Variants in ZFP69 observed in about 807,000 individuals in gnomAD.
The protein encoded by ZFP69 is ZFP69 zinc finger protein.
ZFP69 carries 35 observed loss-of-function variants against 48.9 expected under a neutral mutation model. That is an observed-to-expected ratio of 0.72 (90% confidence interval 0.55 to 0.95). ZFP69 has a LOEUF of 0.95. Ranked by LOEUF, ZFP69 falls within the 40% of genes least tolerant of loss-of-function variation. The pLI, the probability that ZFP69 is intolerant of heterozygous loss-of-function variation, is 0.00. For synonymous variants in ZFP69, 193 were observed against 216.8 expected (o/e 0.89, Z 0.96); for missense variants, 557 against 638.4 (o/e 0.87, Z 1.37).
rs748204975 is a variant in ZFP69, at chr1:40,489,622, C to A, written c.440C>A (p.Ser147Ter). ...AAAGAAGGCCCAGGAGATCCCAGTT[C>A]AGGTGAGACCAAGTGTGTTAGTCTG... is the stretch of plus-strand genomic sequence containing the variant. ...AEKEGPGDPS[S>*]DLKSKIETIE... Residue 147 changes from serine (S) to a stop codon, truncating the protein, a stop_gained and splice_region_variant, in exon 5 of 6, where the codon TCA (serine) becomes TAA (stop). Transcript: ENST00000372706. LOFTEE classifies it high-confidence loss of function. 6 of 1,606,490 alleles carry A rather than the reference C, an allele frequency of 3.7e-6. No homozygotes were observed. Among genetic ancestry groups the A allele is most frequent in the Non-Finnish European group, 5.1e-6 (6 of 1,176,806 alleles).
rs769911488 is a variant in ZFP69, at chr1:40,496,008, T to A, written c.1530T>A (p.Leu510=). The change falls in exon 6 of 6, where the codon CTT becomes CTA. Residue 510 remains leucine (L), a synonymous_variant. Coordinates refer to ENST00000372706, the MANE Select transcript of ZFP69 (RefSeq NM_001320179.2). ...AAGCCTTCAGCTATAACTCTTCACT[T>A]AGTCGACATCATGAAATACACAGGA... ...CGKAFSYNSS[L]SRHHEIHRRN... The A allele has an allele frequency of 6.2e-7, 1 of 1,611,910 alleles. No homozygotes were observed. Among genetic ancestry groups the A allele is most frequent in the Admixed American group, 1.7e-5 (1 of 59,410 alleles).
In ZFP69 at chr1:40,489,684, T is replaced by C. The variant is rs887732888; in HGVS notation, c.442+60T>C. 12 of 1,269,736 alleles carry C rather than the reference T, an allele frequency of 9.5e-6. No individual in the cohort carries two copies. In the African/African-American group the frequency reaches 1.4e-4, roughly 14 times the overall value. 78.7% of individuals were successfully genotyped at this position (1,269,736 alleles called of 1,614,324 possible). A position where few individuals can be genotyped will look rare whatever the true frequency, so the allele number is the denominator to read the frequency against. ...CTATAAAGGAATACCTGAAACTTCA[T>C]AATTTATAAAGAAAAGAAGTTTAAT... On this transcript the variant is annotated intron_variant, in intron 5 of 5. Transcript: ENST00000372706.
Position 40,495,573 on chromosome 1 carries a change from C to T in ZFP69, c.1095C>T (p.Ser365=), listed in dbSNP as rs1645623599. ...GTGATAAATGTCAGAAAGCTTTCAG[C>T]CAGAACATTAGCTTGGTTCAACATT... ...YVCDKCQKAF[S]QNISLVQHLR... is the part of the protein sequence containing the mutation. The change falls in exon 6 of 6, where the codon AGC becomes AGT. Residue 365 remains serine, a synonymous_variant. Coordinates refer to ENST00000372706, the MANE Select transcript of ZFP69 (RefSeq NM_001320179.2). 1.2e-6 allele frequency: 2 copies of T among 1,614,020 alleles called. No individual in the cohort carries two copies. The highest frequency in any genetic ancestry group is 2.2e-5 in the South Asian group (2 of 91,084).
intron 3 of ZFP69, among the ~76,000 whole-genome samples, chr1:40,487,427 G>A (rs1392826100): frequency 2.0e-5 from 3 of 152,032 alleles, no homozygotes; most frequent in Non-Finnish European, 4.4e-5. Context: ...GTAGGTACTA[G>A]TCTATTTTAT....
chr1:40,477,834 C>T lies in ZFP69; in HGVS notation c.-387C>T, dbSNP rs1057061948. The T allele has an allele frequency of 2.0e-5, 3 of 152,478 alleles. No homozygotes were observed. Among genetic ancestry groups the T allele is most frequent in the African/African-American group, 7.2e-5 (3 of 41,424 alleles). The allele number at this position is 152,478 out of a possible 1,614,324, so 9.4% of individuals were successfully genotyped here. On this transcript the variant is annotated 5_prime_UTR_variant, in exon 1 of 6. Transcript: ENST00000372706. This position sits in a 1 kb window ranked among gnomAD's most constrained non-coding sequence, Gnocchi z 4.0. Reference sequence around the variant, plus strand: ...AGAGACACTCTTTACCGCTGAAAACCTCAAGAGTGAGCACTCCCACGCCCC... The same window carrying T: ...AGAGACACTCTTTACCGCTGAAAACTTCAAGAGTGAGCACTCCCACGCCCC...
chr1:40,494,622 A>G (rs1034614566), intron 5 of ZFP69, among the ~76,000 whole-genome samples: 1 of 147,008 alleles, frequency 6.8e-6, no homozygotes, highest in African/African-American at 2.5e-5. Context: ...TATTTTATAT[A>G]TAAAATATAC....
chr1:40,482,426 TAGTC>T (rs1482184667), intron 3 of ZFP69, among the ~76,000 whole-genome samples: 2 of 152,180 alleles, frequency 1.3e-5, no homozygotes, highest in East Asian at 3.9e-4. Flanking sequence ...ACAAATGGGA[TAGTC>T]AGTACTGCCT....
chr1:40,485,386 C>A (rs552343163), intron 3 of ZFP69, among the ~76,000 whole-genome samples: 1 of 151,980 alleles, frequency 6.6e-6, no homozygotes, highest in Non-Finnish European at 1.5e-5. Flanking sequence ...GAAAGACTTA[C>A]GTTATATTTT....
At chr1:40,482,128 T>A (rs909843344) in intron 3 of ZFP69, among the ~76,000 whole-genome samples, 2 of 151,234 alleles carry the variant, frequency 1.3e-5, no homozygotes, top group Non-Finnish European at 2.9e-5. Context: ...GAAAGTGAAA[T>A]GAGAGATATA....
Position 40,481,761 on chromosome 1 carries a change from A to T in ZFP69, c.128-2A>T. On this transcript the variant is annotated splice_acceptor_variant, in intron 2 of 5. Transcript: ENST00000372706. LOFTEE classifies it high-confidence loss of function. ...AAGCTCATGGCTCTTTTCCTTCCCC[A>T]GCTCTGCTGTCTCAGGATGCTGAGG... The T allele has an allele frequency of 1.2e-6, 2 of 1,603,914 alleles. No individual in the cohort carries two copies. The highest frequency in any genetic ancestry group is 2.7e-5 in the African/African-American group (2 of 74,734).
At position 40,494,255 on chromosome 1, in the gene ZFP69, A is replaced by ATTTTTTTTTTTTTTTTTTTTTTTTTTTTT. The variant is rs1645598717; in HGVS notation, c.443-666_443-665insTTTTTTTTTTTTTTTTTTTTTTTTTTTTT. Among the ~76,000 whole-genome samples the ATTTTTTTTTTTTTTTTTTTTTTTTTTTTT allele has an allele frequency of 1.6e-5, 2 of 123,856 alleles. 1 individual carries two copies. The highest frequency in any genetic ancestry group is 6.3e-5 in the African/African-American group (2 of 31,550). The allele number at this position is 123,856 out of a possible 152,430, so 81.3% of individuals were successfully genotyped here. A position where few individuals can be genotyped will look rare whatever the true frequency, so the allele number is the denominator to read the frequency against. ...ATTAGAGCAGGACTAAAAGATTCAA[A>ATTTTTTTTTTTTTTTTTTTTTTTTTTTTT]ATTTTTTTTTTTTTTTTTTTTTTTT... On this transcript the variant is annotated intron_variant, in intron 5 of 5. Coordinates refer to ENST00000372706, the MANE Select transcript of ZFP69 (RefSeq NM_001320179.2).
chr1:40,493,617 A>G (rs1645591447), intron 5 of ZFP69: 1 of 126,572 alleles, frequency 7.9e-6, no homozygotes, highest in African/African-American at 3.3e-5. Flanking sequence ...GGAGGGATGC[A>G]TAAATGGCTT....
chr1:40,489,827 T>C (rs1043211886), intron 5 of ZFP69, among the ~76,000 whole-genome samples: 1 of 151,322 alleles, frequency 6.6e-6, no homozygotes, highest in African/African-American at 2.4e-5. Flanking sequence ...AGCTGGAGCA[T>C]GAGAGTGAAG....
In ZFP69 at chr1:40,480,678, A is replaced by G. The variant is rs61781605; in HGVS notation, c.128-1085A>G. On this transcript the variant is annotated intron_variant, in intron 2 of 5. Coordinates refer to ENST00000372706, the MANE Select transcript of ZFP69 (RefSeq NM_001320179.2). ...GGTGCAATTCCACTTCAAAACTGGT[A>G]AGGTCACAACAAATTGAATCAAGGA... is the stretch of plus-strand genomic sequence containing the variant. Among the ~76,000 whole-genome samples the G allele has an allele frequency of 9.9e-3, 1,514 of 152,310 alleles. 10 individuals carry two copies. The highest frequency in any genetic ancestry group is 0.018 in the Non-Finnish European group (1,242 of 68,022).
chr1:40,493,870 G>C (rs1281985717), intron 5 of ZFP69, among the ~76,000 whole-genome samples: 1 of 152,134 alleles, frequency 6.6e-6, no homozygotes, highest in African/African-American at 2.4e-5. Flanking sequence ...AATTTATCAA[G>C]TAAAAATCTT....
rs1475105025 is a variant in ZFP69 at position 40,495,434 on chromosome 1, G to A, written c.956G>A (p.Arg319Lys). ...SQSASLSTHQ[R>K]IHTGEKPFEC... ...AGTGCATCCCTCAGTACACACCAGA[G>A]AATCCATACTGGTGAGAAACCCTTT... The change falls in exon 6 of 6, where the codon AGA becomes AAA. Residue 319 changes from arginine (R) to lysine (K), a missense_variant. Physicochemically the swap from Arg to Lys is conservative, Grantham distance 26 (BLOSUM62 2). Coordinates refer to ENST00000372706, the MANE Select transcript of ZFP69 (RefSeq NM_001320179.2). 3 of 1,614,062 alleles carry A rather than the reference G, an allele frequency of 1.9e-6. No individual in the cohort carries two copies. Among genetic ancestry groups the A allele is most frequent in the East Asian group, 4.5e-5 (2 of 44,880 alleles).
At chr1:40,489,866 C>CTTTTTTTTT (rs374820239) in intron 5 of ZFP69, among the ~76,000 whole-genome samples, 2 of 115,426 alleles carry the variant, frequency 1.7e-5, no homozygotes, top group Non-Finnish European at 3.5e-5. Context: ...TTTTCTTTTT[C>CTTTTTTTTT]TTTTTTTTTT....
At chr1:40,480,344 C>T (rs1645431462) in intron 2 of ZFP69, among the ~76,000 whole-genome samples, 1 of 149,494 alleles carries the variant, frequency 6.7e-6, no homozygotes, top group African/African-American at 2.5e-5. Context: ...CAGCTCACTG[C>T]AACTCCTGCC....
At chr1:40,482,908 G>A (rs992033025) in intron 3 of ZFP69, among the ~76,000 whole-genome samples, 1 of 152,162 alleles carries the variant, frequency 6.6e-6, no homozygotes, top group Admixed American at 6.5e-5. Flanking sequence ...TTCTTTCTCA[G>A]TAATTGATGT....
Sources: allele counts gnomAD v4.1 joint callset (sites outside exome capture counted in the v4.1 genomes callset), GRCh38; gene constraint gnomAD v4.1.1; non-coding constraint Gnocchi (gnomAD v3.1); transcripts MANE v1.5; gene names NCBI Gene and HGNC (gene_info 2026-07-23, HGNC 2026-07-21).